P2RY12: variants seen among roughly 807,000 people sequenced by gnomAD.
The protein encoded by P2RY12 is P2Y purinoceptor 12.
A neutral mutation model predicts 4.5 loss-of-function variants in P2RY12; 3 were observed. The ratio of observed to expected loss-of-function variants is 0.67; its 90% CI spans 0.31 to 1.74. The LOEUF (loss-of-function observed/expected upper bound fraction) is 1.74. P2RY12 is among the 40% of genes most tolerant of loss of function. P2RY12 has a pLI of 0.09. For synonymous variants in P2RY12, 148 were observed against 154.1 expected (o/e 0.96, Z 0.29); for missense variants, 356 against 407.8 (o/e 0.87, Z 1.09).
Position 151,338,486 on chromosome 3 carries a change from G to A in P2RY12, c.360C>T (p.Ile120=), listed in dbSNP as rs573525185. Residue 120 remains isoleucine (I), a synonymous_variant, in exon 3 of 3, where the codon ATC becomes ATT. Transcript: ENST00000302632. ...ISISFLGLIT[I]DRYQKTTRPF... is the part of the protein sequence containing the mutation. ...GCCTGGTGGTCTTCTGGTAGCGATCGATAGTTATCAGTCCCAGGAATGAAA... is the reference window on the plus strand; with the variant it reads ...GCCTGGTGGTCTTCTGGTAGCGATCAATAGTTATCAGTCCCAGGAATGAAA... 1.5e-5 allele frequency: 25 copies of A among 1,613,868 alleles called. No homozygotes were observed. In the East Asian group the frequency reaches 2.2e-4, roughly 14 times the overall value.
intron 1 of P2RY12, among the ~76,000 whole-genome samples, chr3:151,360,879 A>T (rs1754522839): frequency 6.6e-6 from 1 of 152,160 alleles, no homozygotes; most frequent in Admixed American, 6.6e-5. Context: ...TCTTCAATAA[A>T]TAAAGTATTT....
At chr3:151,350,293 T>C (rs557688865) in intron 1 of P2RY12, 7 of 1,327,908 alleles carry the variant, frequency 5.3e-6, no homozygotes, top group Non-Finnish European at 7.3e-6. Flanking sequence ...TCTATGTCAC[T>C]GTCAACAGAG....
intron 1 of P2RY12, among the ~76,000 whole-genome samples, chr3:151,351,448 G>A (rs927372212): frequency 2.0e-5 from 3 of 152,148 alleles, no homozygotes; most frequent in Admixed American, 6.5e-5. Flanking sequence ...AGCTCTCTGA[G>A]GAAGCAACCA....
intron 1 of P2RY12, among the ~76,000 whole-genome samples, chr3:151,352,942 A>G (rs1753423429): frequency 6.6e-6 from 1 of 152,244 alleles, no homozygotes; most frequent in Admixed American, 6.5e-5. Flanking sequence ...GAGGAAAAAT[A>G]TATATTGACT....
chr3:151,360,929 C>G (rs1754529342), intron 1 of P2RY12, among the ~76,000 whole-genome samples: 1 of 152,014 alleles, frequency 6.6e-6, no homozygotes, highest in African/African-American at 2.4e-5. Flanking sequence ...ACAGACAGTG[C>G]ATTTTAAGTA....
chr3:151,376,098 G>A, intron 1 of P2RY12: 1 of 1,612,556 alleles, frequency 6.2e-7, no homozygotes, highest in Non-Finnish European at 8.5e-7. Context: ...ATTGGACCCT[G>A]TGCTTTCAAA....
intron 1 of P2RY12, among the ~76,000 whole-genome samples, chr3:151,373,182 T>C (rs1756399256): frequency 6.6e-6 from 1 of 152,168 alleles, no homozygotes; most frequent in Non-Finnish European, 1.5e-5. Context: ...TTCGATTTTA[T>C]TAATTGTCCC....
intron 1 of P2RY12, chr3:151,365,770 A>G: frequency 3.3e-6 from 4 of 1,221,740 alleles, no homozygotes; most frequent in Non-Finnish European, 4.4e-6. Flanking sequence ...TTAGTGAAAT[A>G]TATGTTAATT....
At chr3:151,380,082 A>C (rs749023537) in intron 1 of P2RY12, 23 of 1,326,060 alleles carry the variant, frequency 1.7e-5, no homozygotes, top group Non-Finnish European at 2.1e-5. Context: ...ATTTCTAACT[A>C]GATCTGTTGT....
At chr3:151,379,018 A>T (rs1263392863) in intron 1 of P2RY12, among the ~76,000 whole-genome samples, 1 of 152,258 alleles carries the variant, frequency 6.6e-6, no homozygotes, top group African/African-American at 2.4e-5. Context: ...CAGGACACAC[A>T]GTGAAGGACA....
At chr3:151,383,299 G>A (rs530783334) in intron 1 of P2RY12, among the ~76,000 whole-genome samples, 6 of 152,304 alleles carry the variant, frequency 3.9e-5, no homozygotes, top group Admixed American at 3.3e-4. Context: ...GTCCCAACAC[G>A]TGAACTGGTA....
At chr3:151,379,663 A>C (rs1014808001) in intron 1 of P2RY12, among the ~76,000 whole-genome samples, 1 of 152,204 alleles carries the variant, frequency 6.6e-6, no homozygotes. Context: ...AAACAAAATC[A>C]AACCCCAAAA....
At chr3:151,363,118 G>A (rs1480800519) in intron 1 of P2RY12, among the ~76,000 whole-genome samples, 2 of 152,010 alleles carry the variant, frequency 1.3e-5, no homozygotes, top group Non-Finnish European at 2.9e-5. Context: ...TGGAAATTTA[G>A]GGTACCAGCA....
intron 1 of P2RY12, chr3:151,383,758 T>G (rs1560107613): frequency 6.7e-7 from 1 of 1,501,124 alleles, no homozygotes; most frequent in Non-Finnish European, 9.2e-7. Context: ...TGCAAATATC[T>G]TACTGTATTT....
intron 1 of P2RY12, chr3:151,372,754 T>C (rs1187805549): frequency 6.8e-6 from 11 of 1,612,776 alleles, no homozygotes; most frequent in African/African-American, 1.3e-5. Flanking sequence ...TACTGAGGAC[T>C]ATCTGTCAAC....
At chr3:151,365,114 G>A in intron 1 of P2RY12, 1 of 1,614,020 alleles carries the variant, frequency 6.2e-7, no homozygotes, top group Non-Finnish European at 8.5e-7. Flanking sequence ...ACTCAATGCT[G>A]GGCAAGATCC....
At chr3:151,364,355 G>C (rs1755019445) in intron 1 of P2RY12, among the ~76,000 whole-genome samples, 1 of 152,104 alleles carries the variant, frequency 6.6e-6, no homozygotes, top group Non-Finnish European at 1.5e-5. Context: ...TAATGCCTCT[G>C]AGAAATACAA....
intron 1 of P2RY12, among the ~76,000 whole-genome samples, chr3:151,370,282 G>A (rs1158554584): frequency 1.3e-5 from 2 of 151,992 alleles, no homozygotes; most frequent in East Asian, 1.9e-4. Flanking sequence ...TTCCAACTTT[G>A]GGTACCTTCT....
chr3:151,340,508 C>T (rs997405476), intron 2 of P2RY12, 88 bp downstream of exon 2: 13 of 152,436 alleles, frequency 8.5e-5, no homozygotes, highest in African/African-American at 3.1e-4. Flanking sequence ...TTAAGGTTTA[C>T]AATTTTAAGA....
Sources: allele counts gnomAD v4.1 joint callset (sites outside exome capture counted in the v4.1 genomes callset), GRCh38; gene constraint gnomAD v4.1.1; transcripts MANE v1.5; gene names NCBI Gene and HGNC (gene_info 2026-07-23, HGNC 2026-07-21).